The following NRXN1 variants were observed in gnomAD, a reference collection of about 807,000 sequenced individuals.
NRXN1 encodes neurexin 1.
Under a neutral mutation model 150.9 loss-of-function variants are expected in NRXN1, and 39 were observed. That is an observed-to-expected ratio of 0.26 (90% CI 0.20 to 0.34). The LOEUF (loss-of-function observed/expected upper bound fraction) is 0.34, where lower values mean the gene tolerates loss of function less well. Ranked by LOEUF, NRXN1 falls within the 10% of genes least tolerant of loss-of-function variation. The pLI, the probability that NRXN1 is intolerant of heterozygous loss-of-function variation, is 1.00. For missense variants in NRXN1, 1,815 were observed against 1,949.9 expected, an observed-to-expected ratio of 0.93 and a Z score of 1.30; for synonymous variants, 924 against 757.0, an observed-to-expected ratio of 1.22 and a Z score of -3.62.
chr2:50,416,862 C>T (rs887790033), intron 17 of NRXN1, among the ~76,000 whole-genome samples: 1 of 152,120 alleles, frequency 6.6e-6, no homozygotes, highest in Non-Finnish European at 1.5e-5. Flanking sequence ...ACAAGAACTA[C>T]AATTAAAGAT....
intron 5 of NRXN1, among the ~76,000 whole-genome samples, chr2:50,763,426 C>T (rs1411383731): frequency 6.6e-6 from 1 of 151,918 alleles, no homozygotes; most frequent in African/African-American, 2.4e-5. Flanking sequence ...TAAGATAATG[C>T]ATATACAAAA....
chr2:50,475,396 A>T (rs1272571126), intron 15 of NRXN1, among the ~76,000 whole-genome samples: 1 of 123,852 alleles, frequency 8.1e-6, no homozygotes, highest in Non-Finnish European at 1.8e-5. Flanking sequence ...AGAAAAGAAT[A>T]AAAAAAGAGG....
At position 50,495,948 on chromosome 2, in the gene NRXN1, G is replaced by A. The variant is rs201838739; in HGVS notation, c.3027C>T (p.Ile1009=). The A allele has an allele frequency of 3.7e-6, 6 of 1,610,976 alleles. No individual in the cohort carries two copies. The highest frequency in any genetic ancestry group is 5.1e-6 in the Non-Finnish European group (6 of 1,178,492). ...TGGCTCCGGCGGTGATTTGCGTTGTGATTTTTGTGTCAATCTTTACAGTGT... is the reference window on the plus strand; with the variant it reads ...TGGCTCCGGCGGTGATTTGCGTTGTAATTTTTGTGTCAATCTTTACAGTGT... The part of the protein sequence containing the change: ...NLHTVKIDTK[I]TTQITAGARN... Residue 1009 remains isoleucine, a synonymous_variant, in exon 15 of 23, where the codon ATC becomes ATT. Transcript: ENST00000401669.
At chr2:50,521,846 G>C (rs920429374) in intron 12 of NRXN1, among the ~76,000 whole-genome samples, 2 of 152,104 alleles carry the variant, frequency 1.3e-5, no homozygotes, top group African/African-American at 4.8e-5. Context: ...GATCCAATTG[G>C]ATCCAGCAAC....
At chr2:50,750,686 C>T (rs1231557517) in intron 5 of NRXN1, among the ~76,000 whole-genome samples, 1 of 151,996 alleles carries the variant, frequency 6.6e-6, no homozygotes, top group African/African-American at 2.4e-5. Flanking sequence ...TAGTCTAGCA[C>T]CACCACCAAA....
intron 5 of NRXN1, among the ~76,000 whole-genome samples, chr2:50,916,249 C>T (rs886241527): frequency 4.0e-5 from 6 of 150,802 alleles, no homozygotes; most frequent in East Asian, 3.9e-4. Context: ...TAATAAGCAG[C>T]GTCACCTTTC....
At chr2:50,867,676 C>A (rs769229012) in intron 5 of NRXN1, among the ~76,000 whole-genome samples, 22 of 151,570 alleles carry the variant, frequency 1.5e-4, no homozygotes, top group South Asian at 6.2e-4. Flanking sequence ...TATGGCAGAA[C>A]CTGTGAATTT....
chr2:50,039,596 C>T (rs1690608983), intron 21 of NRXN1, among the ~76,000 whole-genome samples: 1 of 152,168 alleles, frequency 6.6e-6, no homozygotes. Flanking sequence ...CTGTAGCTCT[C>T]CATACTCTGT....
chr2:49,996,080 A>G (rs927857458), intron 21 of NRXN1, among the ~76,000 whole-genome samples: 1 of 152,062 alleles, frequency 6.6e-6, no homozygotes, highest in African/African-American at 2.4e-5. Context: ...AGACACAGAA[A>G]ATGCCTTTGA....
chr2:50,041,550 T>C (rs1392649155), intron 21 of NRXN1, among the ~76,000 whole-genome samples: 1 of 152,124 alleles, frequency 6.6e-6, no homozygotes, highest in African/African-American at 2.4e-5. Context: ...AAACTGAAAA[T>C]GTGAATTCTC....
intron 18 of NRXN1, among the ~76,000 whole-genome samples, chr2:50,140,722 T>C (rs574227946): frequency 6.6e-6 from 1 of 152,094 alleles, no homozygotes; most frequent in South Asian, 2.1e-4. Flanking sequence ...CATTCTGATT[T>C]TCAAATGTTG....
rs571914959 is a variant in NRXN1, at chr2:50,795,895, G to A, written c.832+125974C>T. ...CTGGAATGATTGGCTCACAATCAGT[G>A]CATAATAAATATTATTAGCCCAATA... On this transcript the variant is annotated intron_variant, in intron 5 of 22. Coordinates refer to ENST00000401669, the MANE Select transcript of NRXN1 (RefSeq NM_001330078.2). 1.8e-4 allele frequency among the ~76,000 whole-genome samples: 28 copies of A among 151,728 alleles called. No individual in the cohort carries two copies. In the East Asian group the frequency reaches 2.7e-3, roughly 15 times the overall value.
intron 18 of NRXN1, among the ~76,000 whole-genome samples, chr2:50,110,079 C>T (rs1245337944): frequency 1.3e-5 from 2 of 152,134 alleles, no homozygotes; most frequent in Non-Finnish European, 2.9e-5. Flanking sequence ...ATAAGGGAGT[C>T]TCTTATCCTT....
chr2:50,068,056 A>G (rs531808722), intron 19 of NRXN1, among the ~76,000 whole-genome samples: 12 of 152,280 alleles, frequency 7.9e-5, no homozygotes, highest in African/African-American at 2.9e-4. Flanking sequence ...CTATAAATGG[A>G]ACTGCGAAAG....
chr2:51,007,273 T>C (rs1237143306), intron 2 of NRXN1, among the ~76,000 whole-genome samples: 1 of 151,934 alleles, frequency 6.6e-6, no homozygotes, highest in African/African-American at 2.4e-5. Flanking sequence ...AGAAAGGGTA[T>C]TCAAAAAAAA....
chr2:50,006,941 A>C (rs747506739), intron 21 of NRXN1, among the ~76,000 whole-genome samples: 9 of 152,166 alleles, frequency 5.9e-5, no homozygotes, highest in Non-Finnish European at 1.3e-4. Context: ...ATATTTGAAG[A>C]GAGGCTAGAT....
At chr2:50,178,473 A>G (rs901218233) in intron 18 of NRXN1, among the ~76,000 whole-genome samples, 1 of 152,050 alleles carries the variant, frequency 6.6e-6, no homozygotes, top group Non-Finnish European at 1.5e-5. Context: ...ACCACATATA[A>G]TTTGAGACAT....
intron 13 of NRXN1, among the ~76,000 whole-genome samples, chr2:50,499,131 G>A (rs915358756): frequency 2.6e-5 from 4 of 152,070 alleles, no homozygotes; most frequent in African/African-American, 9.7e-5. Flanking sequence ...AAATTTAGAC[G>A]TCATGCTTTT....
At chr2:50,702,776 CT>C (rs1693931349) in intron 5 of NRXN1, among the ~76,000 whole-genome samples, 1 of 151,988 alleles carries the variant, frequency 6.6e-6, no homozygotes, top group Non-Finnish European at 1.5e-5. Flanking sequence ...TCTGGACAGT[CT>C]TTTTATTGCA....
Sources: gnomAD v4.1 joint callset for allele counts (sites outside exome capture counted in the v4.1 genomes callset) on GRCh38, gnomAD v4.1.1 for gene constraint, MANE v1.5 for transcripts, NCBI Gene and HGNC (gene_info 2026-07-23, HGNC 2026-07-21) for gene names.